Variants in ERAP1 observed in about 807,000 individuals in gnomAD.
ERAP1 encodes adipocyte-derived leucine aminopeptidase.
In ERAP1, 86 loss-of-function variants were observed where a neutral mutation model predicts 103.7. The observed-to-expected ratio is 0.83, with a 90% confidence interval of 0.70 to 0.99. ERAP1 has a LOEUF of 0.99. ERAP1 is among the 50% of genes least tolerant of loss of function. The pLI, the probability that ERAP1 is intolerant of heterozygous loss-of-function variation, is 0.00. For missense variants in ERAP1, 1,009 were observed against 1,128.4 expected (o/e 0.89, Z 1.52); for synonymous variants, 398 against 402.4 (o/e 0.99, Z 0.13).
chr5:96,845,811 C>G, the ERAP1 span, among the ~76,000 whole-genome samples: 1 of 152,134 alleles, frequency 6.6e-6, no homozygotes, highest in Non-Finnish European at 1.5e-5. Context: ...CTCTGTGAAT[C>G]TATACACACC....
the ERAP1 span, among the ~76,000 whole-genome samples, chr5:96,900,908 G>T: frequency 6.6e-6 from 1 of 151,930 alleles, no homozygotes; most frequent in East Asian, 1.9e-4. Context: ...CAGGCAATTC[G>T]CCCACCTTGG....
chr5:96,806,579 T>G (rs1778614476), intron 1 of ERAP1, among the ~76,000 whole-genome samples: 1 of 151,820 alleles, frequency 6.6e-6, no homozygotes, highest in Non-Finnish European at 1.5e-5. Flanking sequence ...TCCACATCTG[T>G]GTGAGTATAA....
chr5:96,802,629 G>A (rs1004170299), intron 2 of ERAP1, among the ~76,000 whole-genome samples: 3 of 152,178 alleles, frequency 2.0e-5, no homozygotes, highest in Non-Finnish European at 4.4e-5. Flanking sequence ...AAAGCAAGGT[G>A]AGAAGAGATC....
chr5:96,844,837 C>T, the ERAP1 span, among the ~76,000 whole-genome samples: 1 of 152,164 alleles, frequency 6.6e-6, no homozygotes, highest in Non-Finnish European at 1.5e-5. Context: ...GCTGTTGATC[C>T]AAATAATATG....
the ERAP1 span, chr5:96,912,680 C>CA: frequency 1.7e-5 from 27 of 1,610,190 alleles, no homozygotes; most frequent in East Asian, 5.6e-4. Context: ...TGTGGGTGCT[C>CA]AGACAACAGC....
At chr5:96,772,219 T>C (rs1376315937), downstream of ERAP1, 1 of 153,706 alleles carries the variant, frequency 6.5e-6, no homozygotes, top group Admixed American at 6.5e-5. Flanking sequence ...AAGTACTGTG[T>C]TTGATTCTAA....
chr5:96,813,763 CTGTTA>C, the ERAP1 span, among the ~76,000 whole-genome samples: 2 of 149,046 alleles, frequency 1.3e-5, no homozygotes, highest in Admixed American at 6.7e-5. Context: ...AGTTAGCATT[CTGTTA>C]TATCTAGCTA....
At chr5:96,895,162 AAGTT>A in the ERAP1 span, 14 of 778,088 alleles carry the variant, frequency 1.8e-5, no homozygotes, top group East Asian at 1.1e-4. Context: ...AATAAAAAAA[AAGTT>A]AGTAACTATT....
chr5:96,926,774 T>C, the ERAP1 span, among the ~76,000 whole-genome samples: 2 of 152,242 alleles, frequency 1.3e-5, no homozygotes, highest in Admixed American at 1.3e-4. Context: ...TTTTTGGCTA[T>C]TGTGAATAAT....
intron 19 of ERAP1, among the ~76,000 whole-genome samples, chr5:96,763,406 G>A (rs1480089087): frequency 6.6e-6 from 1 of 152,186 alleles, no homozygotes; most frequent in Non-Finnish European, 1.5e-5. Flanking sequence ...AATGAAGAAA[G>A]TCCCCATGCA....
chr5:96,796,615 A>G (rs891688777), intron 4 of ERAP1, among the ~76,000 whole-genome samples: 1 of 152,148 alleles, frequency 6.6e-6, no homozygotes, highest in Non-Finnish European at 1.5e-5. Flanking sequence ...GAGTCAGTGA[A>G]GTGACTGCAG....
chr5:96,858,083 C>T, the ERAP1 span, among the ~76,000 whole-genome samples: 1 of 152,188 alleles, frequency 6.6e-6, no homozygotes, highest in Non-Finnish European at 1.5e-5. Flanking sequence ...AGAGGCTGAA[C>T]CGTGGATTCT....
chr5:96,914,715 A>C, the ERAP1 span, among the ~76,000 whole-genome samples: 17 of 152,304 alleles, frequency 1.1e-4, no homozygotes, highest in East Asian at 3.3e-3. Flanking sequence ...TCCATATATA[A>C]AACATTGGGT....
chr5:96,836,818 G>A, the ERAP1 span, among the ~76,000 whole-genome samples: 4 of 152,090 alleles, frequency 2.6e-5, no homozygotes, highest in South Asian at 2.1e-4. Flanking sequence ...TAAAAGATAC[G>A]TCATGTTAAA....
the ERAP1 span, among the ~76,000 whole-genome samples, chr5:96,923,974 A>G: frequency 6.6e-6 from 1 of 152,200 alleles, no homozygotes; most frequent in Non-Finnish European, 1.5e-5. Flanking sequence ...TAGCTTAGAA[A>G]GTACTGGTTG....
chr5:96,867,526 T>C, the ERAP1 span, among the ~76,000 whole-genome samples: 1 of 152,136 alleles, frequency 6.6e-6, no homozygotes, highest in African/African-American at 2.4e-5. Flanking sequence ...TGAAACTCAT[T>C]CACTCACTTG....
chr5:96,791,958 A>G (rs914943718), intron 8 of ERAP1, 103 bp downstream of exon 8: 1 of 1,306,802 alleles, frequency 7.7e-7, no homozygotes, highest in Non-Finnish European at 1.1e-6. Context: ...GAGAGAAGGC[A>G]TTCAATCTGG....
chr5:96,882,611 G>A, the ERAP1 span, among the ~76,000 whole-genome samples: 2 of 152,320 alleles, frequency 1.3e-5, no homozygotes, highest in South Asian at 4.1e-4. Flanking sequence ...AATCGTGTAA[G>A]CAACAAAGAT....
the ERAP1 span, among the ~76,000 whole-genome samples, chr5:96,926,666 C>G: frequency 6.6e-6 from 1 of 152,132 alleles, no homozygotes; most frequent in Non-Finnish European, 1.5e-5. Flanking sequence ...CATGTCAGTA[C>G]TTTCTTTTTA....
Sources: gnomAD v4.1 joint callset for allele counts (sites outside exome capture counted in the v4.1 genomes callset) on GRCh38, gnomAD v4.1.1 for gene constraint, MANE v1.5 for transcripts, NCBI Gene and HGNC (gene_info 2026-07-23, HGNC 2026-07-21) for gene names.